The following AGBL4 variants were observed in gnomAD, a reference collection of about 807,000 sequenced individuals.
AGBL4 encodes cytosolic carboxypeptidase 6.
A neutral mutation model predicts 66.4 loss-of-function variants in AGBL4; 58 were observed. The ratio of observed to expected loss-of-function variants is 0.87; its 90% CI spans 0.71 to 1.09. The LOEUF is 1.09. Among genes scored for constraint, AGBL4 ranks in the 50% least tolerant of loss-of-function variants. The pLI, the probability that AGBL4 is intolerant of heterozygous loss-of-function variation, is 0.00. For synonymous variants in AGBL4, 234 were observed against 222.9 expected, an observed-to-expected ratio of 1.05 and a Z score of -0.44; for missense variants, 579 against 631.0, an observed-to-expected ratio of 0.92 and a Z score of 0.88.
At chr1:49,516,036 A>G (rs1649782323) in intron 3 of AGBL4, among the ~76,000 whole-genome samples, 1 of 151,314 alleles carries the variant, frequency 6.6e-6, no homozygotes, top group Non-Finnish European at 1.5e-5. Context: ...CTTAAAGTAT[A>G]ATTTAAAAAA....
At chr1:49,600,770 G>A (rs1208553737) in intron 3 of AGBL4, among the ~76,000 whole-genome samples, 1 of 152,110 alleles carries the variant, frequency 6.6e-6, no homozygotes, top group Non-Finnish European at 1.5e-5. Context: ...TACATGTTTA[G>A]TGCTCCCTTC....
At chr1:48,630,118 G>C (rs150380708) in intron 9 of AGBL4, among the ~76,000 whole-genome samples, 171 of 152,306 alleles carry the variant, frequency 1.1e-3, no homozygotes, top group Middle Eastern at 6.8e-3. Flanking sequence ...GCTATCATGA[G>C]AGTGGAGAAT....
chr1:49,606,566 C>T (rs772290121), intron 3 of AGBL4, among the ~76,000 whole-genome samples: 1 of 152,148 alleles, frequency 6.6e-6, no homozygotes, highest in Admixed American at 6.5e-5. Flanking sequence ...CTCCCCTTAA[C>T]TGGACCTGTC....
chr1:48,737,574 C>T (rs1282571278), intron 6 of AGBL4, among the ~76,000 whole-genome samples: 1 of 152,162 alleles, frequency 6.6e-6, no homozygotes, highest in East Asian at 1.9e-4. Flanking sequence ...TTAAACACAA[C>T]CACAAGGTAC....
intron 6 of AGBL4, among the ~76,000 whole-genome samples, chr1:48,788,325 C>T (rs1251935948): frequency 6.6e-6 from 1 of 152,176 alleles, no homozygotes. Flanking sequence ...AGGATGGGTT[C>T]CTGGAGCCAG....
intron 1 of AGBL4, among the ~76,000 whole-genome samples, chr1:49,952,755 T>C (rs1477236332): frequency 1.3e-5 from 2 of 151,914 alleles, no homozygotes; most frequent in East Asian, 3.9e-4. Context: ...GTAGAGATTT[T>C]TCTTGGTGCA....
intron 3 of AGBL4, among the ~76,000 whole-genome samples, chr1:49,340,399 A>G (rs184348003): frequency 6.6e-6 from 1 of 152,138 alleles, no homozygotes; most frequent in East Asian, 1.9e-4. Flanking sequence ...GTGTTAATAA[A>G]TTGACACTGT....
intron 3 of AGBL4, among the ~76,000 whole-genome samples, chr1:49,432,431 T>C (rs1238719956): frequency 2.0e-5 from 3 of 152,174 alleles, no homozygotes; most frequent in African/African-American, 7.2e-5. Flanking sequence ...CATCTTGTTA[T>C]TGGGCCACAA....
At chr1:49,015,181 T>C (rs532927014) in intron 5 of AGBL4, among the ~76,000 whole-genome samples, 3 of 152,180 alleles carry the variant, frequency 2.0e-5, no homozygotes, top group South Asian at 4.1e-4. Flanking sequence ...CCTGATTGTG[T>C]TGGGGTTTTT....
chr1:48,934,638 C>CA lies in AGBL4; in HGVS notation c.595-67409dup. ...AATTCCTTATCCCAGGAAAGGGCAT[C>CA]ACCACCCACCTGGTTCCTTAAGCCA... On this transcript the variant is annotated intron_variant, in intron 5 of 13. Transcript: ENST00000371839. Among the ~76,000 whole-genome samples the CA allele has an allele frequency of 1.3e-5, 2 of 152,278 alleles. 1 individual carries two copies. The highest frequency in any genetic ancestry group is 6.8e-3 in the Middle Eastern group (2 of 294).
chr1:48,892,846 C>T (rs1008905413), intron 5 of AGBL4, among the ~76,000 whole-genome samples: 3 of 152,072 alleles, frequency 2.0e-5, no homozygotes, highest in Non-Finnish European at 4.4e-5. Flanking sequence ...TTTTTAAAAT[C>T]TTTTGGAGAA....
intron 6 of AGBL4, among the ~76,000 whole-genome samples, chr1:48,766,380 G>A (rs1644531976): frequency 6.6e-6 from 1 of 152,164 alleles, no homozygotes; most frequent in South Asian, 2.1e-4. Flanking sequence ...AATAAATACT[G>A]AATGAATGAG....
At chr1:49,612,212 C>G (rs543744748) in intron 3 of AGBL4, among the ~76,000 whole-genome samples, 1 of 152,112 alleles carries the variant, frequency 6.6e-6, no homozygotes, top group South Asian at 2.1e-4. Flanking sequence ...GTTTGAAAGC[C>G]CCTATGCAGA....
At chr1:49,120,506 A>G (rs1442919016) in intron 4 of AGBL4, among the ~76,000 whole-genome samples, 1 of 152,206 alleles carries the variant, frequency 6.6e-6, no homozygotes, top group African/African-American at 2.4e-5. Context: ...TTTCTTCAAG[A>G]ATGTTGAATA....
intron 5 of AGBL4, among the ~76,000 whole-genome samples, chr1:48,991,525 A>G (rs1660605627): frequency 6.6e-6 from 1 of 152,102 alleles, no homozygotes; most frequent in Non-Finnish European, 1.5e-5. Flanking sequence ...CTTTCTCAAC[A>G]TTTGGAAAGT....
intron 5 of AGBL4, among the ~76,000 whole-genome samples, chr1:48,981,266 T>C (rs928757249): frequency 1.3e-5 from 2 of 152,216 alleles, no homozygotes; most frequent in African/African-American, 4.8e-5. Context: ...TAACTCTGAT[T>C]TCTTCTTATC....
intron 5 of AGBL4, among the ~76,000 whole-genome samples, chr1:48,907,565 G>A (rs1652722788): frequency 6.6e-6 from 1 of 152,150 alleles, no homozygotes; most frequent in Non-Finnish European, 1.5e-5. Flanking sequence ...AGCAGCCTGA[G>A]GGAAGCTCTA....
At chr1:49,772,831 A>T (rs1187039793) in intron 2 of AGBL4, among the ~76,000 whole-genome samples, 1 of 152,084 alleles carries the variant, frequency 6.6e-6, no homozygotes, top group Non-Finnish European at 1.5e-5. Context: ...GGATTTTTTT[A>T]TTGATTCTTA....
At chr1:48,695,238 A>G (rs111755369) in intron 6 of AGBL4, among the ~76,000 whole-genome samples, 8,280 of 152,240 alleles carry the variant, frequency 0.054, 689 homozygotes, top group African/African-American at 0.18. Flanking sequence ...AGAGCCTTCC[A>G]GTTCCTAGTT....
Sources: gnomAD v4.1 joint callset for allele counts (sites outside exome capture counted in the v4.1 genomes callset) on GRCh38, gnomAD v4.1.1 for gene constraint, MANE v1.5 for transcripts, NCBI Gene and HGNC (gene_info 2026-07-23, HGNC 2026-07-21) for gene names.